Variants in CIT observed in about 807,000 individuals in gnomAD.
The protein encoded by CIT is citron Rho-interacting kinase.
A neutral mutation model predicts 272.7 loss-of-function variants in CIT; 79 were observed. That is an observed-to-expected ratio of 0.29 (90% CI 0.24 to 0.35). CIT has a LOEUF of 0.35. CIT is among the 10% of genes least tolerant of loss of function. The probability of loss-of-function intolerance (pLI) is 1.00; values close to 1 mark genes in which losing one functional copy is unlikely to be tolerated. For missense variants in CIT, 1,909 were observed against 2,618.3 expected, an observed-to-expected ratio of 0.73 and a Z score of 5.91; for synonymous variants, 948 against 995.6, an observed-to-expected ratio of 0.95 and a Z score of 0.90.
At chr12:119,876,216 T>C in intron 1 of CIT, 35 bp from the exon 2 acceptor site, 2 of 1,414,536 alleles carry the variant, frequency 1.4e-6, no homozygotes, top group Non-Finnish European at 1.0e-6. Context: ...GTGTGTCCTA[T>C]GTTTTGAGCA....
rs1956521563 is a variant in CIT at position 119,700,869 on chromosome 12, C to T, written c.5543-44G>A. ...ACGTGGGCATTAGCACAGCCAAGAGCAGGGGCATCAGCGACACACATGGTG... is the reference window on the plus strand; with the variant it reads ...ACGTGGGCATTAGCACAGCCAAGAGTAGGGGCATCAGCGACACACATGGTG... On this transcript the variant is annotated intron_variant, in intron 43 of 47. Coordinates refer to ENST00000392521, the MANE Select transcript of CIT (RefSeq NM_001206999.2). 8 of 1,484,076 alleles carry T rather than the reference C, an allele frequency of 5.4e-6. No homozygotes were observed. The South Asian group carries it at 6.8e-5, about 13-fold the overall frequency. The allele number at this position is 1,484,076 out of a possible 1,614,324, so 91.9% of individuals were successfully genotyped here.
intron 7 of CIT, among the ~76,000 whole-genome samples, chr12:119,830,005 C>T (rs1968496644): frequency 6.6e-6 from 1 of 151,434 alleles, no homozygotes; most frequent in African/African-American, 2.4e-5. Flanking sequence ...ACATTTAGAA[C>T]CTACTTTAGG....
At chr12:119,704,565 C>T in intron 40 of CIT, 110 bp from the exon 41 acceptor site, 1 of 937,930 alleles carries the variant, frequency 1.1e-6, no homozygotes, top group Non-Finnish European at 1.7e-6. Context: ...CAGACCAGAT[C>T]ATTCTGTGTG....
intron 17 of CIT, 24 bp downstream of exon 17, chr12:119,772,746 C>G (rs781772714): frequency 1.2e-6 from 2 of 1,601,396 alleles, no homozygotes; most frequent in African/African-American, 1.3e-5. Context: ...CCGCTGGGGC[C>G]TGGGCTGGAG....
chr12:119,689,664 CTCT>C (rs1955806765), intron 47 of CIT, among the ~76,000 whole-genome samples: 1 of 102,062 alleles, frequency 9.8e-6, no homozygotes, highest in Non-Finnish European at 2.0e-5. Context: ...GCTTAGGAAG[CTCT>C]TTTTTTTTTT....
chr12:119,816,615 AGC>A (rs1967207461), intron 9 of CIT, among the ~76,000 whole-genome samples: 1 of 152,128 alleles, frequency 6.6e-6, no homozygotes, highest in Non-Finnish European at 1.5e-5. Context: ...AGCTCTAACA[AGC>A]TCCTAGATGA....
intron 22 of CIT, among the ~76,000 whole-genome samples, chr12:119,755,183 A>AAAAT (rs1368894840): frequency 6.6e-6 from 1 of 152,190 alleles, no homozygotes; most frequent in East Asian, 1.9e-4. Context: ...TAATAAAAGA[A>AAAAT]AAATAAATAA....
At chr12:119,764,520 G>A (rs1404721890) in intron 19 of CIT, among the ~76,000 whole-genome samples, 1 of 151,396 alleles carries the variant, frequency 6.6e-6, no homozygotes, top group Non-Finnish European at 1.5e-5. Flanking sequence ...GGAGGCTGAG[G>A]TAGGAGGATT....
intron 13 of CIT, among the ~76,000 whole-genome samples, chr12:119,777,810 T>C (rs1963922924): frequency 6.6e-6 from 1 of 152,014 alleles, no homozygotes; most frequent in Non-Finnish European, 1.5e-5. Context: ...CCAAAAGGGA[T>C]GTTCTTTAAA....
At chr12:119,755,565 T>C (rs765638996) in intron 22 of CIT, among the ~76,000 whole-genome samples, 109 of 152,376 alleles carry the variant, frequency 7.2e-4, no homozygotes, top group Non-Finnish European at 1.3e-3. Context: ...GGTGTTCAGC[T>C]TCCAACAACC....
chr12:119,743,494 T>C (rs1170398612), intron 23 of CIT, among the ~76,000 whole-genome samples: 1 of 152,138 alleles, frequency 6.6e-6, no homozygotes, highest in Non-Finnish European at 1.5e-5. Context: ...TGTGACCCAA[T>C]AGCAAGCATG....
chr12:119,825,385 A>T lies in CIT; in HGVS notation c.754-17T>A. ...GGCATTCACCTAGAATCCCATCAATAAAACGAATACAGCAAACTTTCAATT... is the reference window on the plus strand; with the variant it reads ...GGCATTCACCTAGAATCCCATCAATTAAACGAATACAGCAAACTTTCAATT... On this transcript the variant is annotated splice_polypyrimidine_tract_variant and intron_variant, in intron 7 of 47. Transcript: ENST00000392521. 1 of 1,610,432 alleles carries T rather than the reference A, an allele frequency of 6.2e-7. No individual in the cohort carries two copies. Among genetic ancestry groups the T allele is most frequent in the South Asian group, 1.1e-5 (1 of 90,648 alleles).
At chr12:119,809,360 G>A (rs577324899) in intron 9 of CIT, among the ~76,000 whole-genome samples, 1 of 103,662 alleles carries the variant, frequency 9.6e-6, no homozygotes, top group Admixed American at 9.5e-5. Context: ...TCTACACTTA[G>A]GCAGATCTAC....
Position 119,713,062 on chromosome 12 carries a change from A to T in CIT, c.4579+141T>A. On this transcript the variant is annotated intron_variant, in intron 35 of 47. Coordinates refer to ENST00000392521, the MANE Select transcript of CIT (RefSeq NM_001206999.2). This position sits in a 1 kb window ranked among gnomAD's most constrained non-coding sequence, Gnocchi z 5.2. ...GTATCGCACCAATAACCTTTAGAGAAGTCATTTGGTTTGTAAGTTTCAAAA... is the reference window on the plus strand; with the variant it reads ...GTATCGCACCAATAACCTTTAGAGATGTCATTTGGTTTGTAAGTTTCAAAA... 1 of 702,284 alleles carries T rather than the reference A, an allele frequency of 1.4e-6. No homozygotes were observed. Among genetic ancestry groups the T allele is most frequent in the Admixed American group, 2.3e-5 (1 of 42,596 alleles). 43.5% of individuals were successfully genotyped at this position (702,284 alleles called of 1,614,324 possible).
At chr12:119,724,071 G>C (rs1029174837) in intron 28 of CIT, among the ~76,000 whole-genome samples, 4 of 151,940 alleles carry the variant, frequency 2.6e-5, no homozygotes, top group Non-Finnish European at 5.9e-5. Flanking sequence ...CAGGAGGATC[G>C]CTTGAGCCCA....
chr12:119,703,276 A>G (rs1374570920), intron 41 of CIT, among the ~76,000 whole-genome samples: 4 of 152,200 alleles, frequency 2.6e-5, no homozygotes, highest in African/African-American at 9.7e-5. Context: ...AACTGTGGTG[A>G]AAGGTGCTTG....
intron 5 of CIT, among the ~76,000 whole-genome samples, chr12:119,835,637 A>T (rs935424760): frequency 5.3e-5 from 8 of 152,308 alleles, no homozygotes; most frequent in Non-Finnish European, 1.2e-4. Context: ...AAACTACTGC[A>T]TTCCAAAAGC....
chr12:119,856,486 C>T (rs191996213), intron 4 of CIT, among the ~76,000 whole-genome samples: 1 of 152,106 alleles, frequency 6.6e-6, no homozygotes, highest in East Asian at 1.9e-4. Context: ...CCATTTCCCC[C>T]TCCCCACCCA....
At chr12:119,872,419 G>A (rs1423226547) in intron 2 of CIT, among the ~76,000 whole-genome samples, 4 of 152,082 alleles carry the variant, frequency 2.6e-5, no homozygotes, top group African/African-American at 9.7e-5. Context: ...AAACAAAATT[G>A]CTACTGTATC....
Sources: allele counts gnomAD v4.1 joint callset (sites outside exome capture counted in the v4.1 genomes callset), GRCh38; gene constraint gnomAD v4.1.1; non-coding constraint Gnocchi (gnomAD v3.1); transcripts MANE v1.5; gene names NCBI Gene and HGNC (gene_info 2026-07-23, HGNC 2026-07-21).